The following ZNF827 variants were observed in gnomAD, a reference collection of about 807,000 sequenced individuals.
ZNF827 encodes zinc finger protein 827.
ZNF827 carries 13 observed loss-of-function variants against 102.4 expected under a neutral mutation model. That is an observed-to-expected ratio of 0.13 (90% confidence interval 0.08 to 0.20). ZNF827 has a LOEUF of 0.20. ZNF827 is among the 10% of genes least tolerant of loss of function. The pLI is 1.00. For missense variants in ZNF827, 1,103 were observed against 1,344.4 expected (o/e 0.82, Z 2.81); for synonymous variants, 523 against 536.2 (o/e 0.98, Z 0.34).
intron 4 of ZNF827, among the ~76,000 whole-genome samples, chr4:145,877,339 T>C (rs1413248942): frequency 6.6e-6 from 1 of 152,196 alleles, no homozygotes; most frequent in Non-Finnish European, 1.5e-5. Flanking sequence ...TTTTCAGCAC[T>C]ATGATGTGCT....
intron 11 of ZNF827, among the ~76,000 whole-genome samples, chr4:145,767,254 C>A (rs561495602): frequency 7.9e-5 from 12 of 152,168 alleles, no homozygotes; most frequent in Non-Finnish European, 1.6e-4. Context: ...ACTGCAGTGT[C>A]TATTACCAGC....
In ZNF827 at chr4:145,917,700, C is replaced by CAAAAAAAAAA. The variant is rs763617063; in HGVS notation, c.44-14495_44-14486dup. ...AAGGCTCAACTCCAAGGTAGCTGGT[C>CAAAAAAAAAA]AAAAAAAAAAAAAAAAAAAAAAAAA... is the stretch of plus-strand genomic sequence containing the variant. On this transcript the variant is annotated intron_variant, in intron 1 of 14. Coordinates refer to ENST00000508784, the MANE Select transcript of ZNF827 (RefSeq NM_001306215.2). Among the ~76,000 whole-genome samples the CAAAAAAAAAA allele has an allele frequency of 6.8e-4, 32 of 46,834 alleles. 1 individual carries two copies. The highest frequency in any genetic ancestry group is 1.7e-3 in the East Asian group (2 of 1,176). The allele number at this position is 46,834 out of a possible 152,430, so 30.7% of individuals were successfully genotyped here.
At chr4:145,859,933 G>A (rs181272479) in intron 5 of ZNF827, among the ~76,000 whole-genome samples, 1 of 152,292 alleles carries the variant, frequency 6.6e-6, no homozygotes, top group Non-Finnish European at 1.5e-5. Context: ...AGGATAAACA[G>A]GGTGCAAATG....
chr4:145,787,935 A>G (rs1739129692), intron 8 of ZNF827, among the ~76,000 whole-genome samples: 1 of 152,172 alleles, frequency 6.6e-6, no homozygotes, highest in Admixed American at 6.5e-5. Flanking sequence ...CAAACCCAAG[A>G]TCAAGGAGGA....
In ZNF827 at chr4:145,888,599, G is replaced by A. The variant is rs538011937; in HGVS notation, c.1267-2441C>T. Among the ~76,000 whole-genome samples, 3 of 152,316 alleles carry A rather than the reference G, an allele frequency of 2.0e-5. No homozygotes were observed. In the East Asian group the frequency reaches 5.8e-4, roughly 29 times the overall value. On this transcript the variant is annotated intron_variant, in intron 3 of 14. Coordinates refer to ENST00000508784, the MANE Select transcript of ZNF827 (RefSeq NM_001306215.2). ...AACCTCTACTCCATCCCCCACTAGG[G>A]GGACAGGTGAGGGCCTTCATGAGAA...
chr4:145,935,111 C>T (rs558230586), intron 1 of ZNF827, among the ~76,000 whole-genome samples: 1 of 152,124 alleles, frequency 6.6e-6, no homozygotes, highest in Non-Finnish European at 1.5e-5. Context: ...TTTAAATCTG[C>T]CCCTATTTAA....
chr4:145,772,755 A>T (rs1301267971), intron 11 of ZNF827, among the ~76,000 whole-genome samples: 1 of 152,260 alleles, frequency 6.6e-6, no homozygotes, highest in Non-Finnish European at 1.5e-5. Flanking sequence ...TGAATTAAAA[A>T]AGAAACTTCT....
At chr4:145,935,036 C>G (rs761630170) in intron 1 of ZNF827, among the ~76,000 whole-genome samples, 33 of 152,112 alleles carry the variant, frequency 2.2e-4, no homozygotes, top group Admixed American at 9.8e-4. Context: ...AGTTTTGCCC[C>G]TCTCATTCCT....
intron 8 of ZNF827, among the ~76,000 whole-genome samples, chr4:145,814,817 T>G (rs1422957197): frequency 1.3e-5 from 2 of 150,490 alleles, no homozygotes; most frequent in Non-Finnish European, 3.0e-5. Context: ...GGCATGCGCC[T>G]GTAATCCCAG....
chr4:145,783,335 G>C (rs1036180793), intron 8 of ZNF827, among the ~76,000 whole-genome samples: 3 of 152,338 alleles, frequency 2.0e-5, no homozygotes, highest in South Asian at 2.1e-4. Context: ...TAATAATTTA[G>C]TAGCATTCAT....
intron 4 of ZNF827, among the ~76,000 whole-genome samples, chr4:145,880,831 C>T (rs1209821933): frequency 1.3e-5 from 2 of 152,172 alleles, no homozygotes; most frequent in East Asian, 3.8e-4. Context: ...CATGCCCAGG[C>T]GTGGGGAGTG....
At chr4:145,866,914 C>CAGCT (rs1748260066) in intron 5 of ZNF827, among the ~76,000 whole-genome samples, 1 of 152,222 alleles carries the variant, frequency 6.6e-6, no homozygotes, top group Non-Finnish European at 1.5e-5. Flanking sequence ...CATGATAACA[C>CAGCT]AGCTATCCCA....
intron 13 of ZNF827, among the ~76,000 whole-genome samples, chr4:145,764,065 G>A (rs562315688): frequency 1.6e-4 from 25 of 152,270 alleles, no homozygotes; most frequent in African/African-American, 5.1e-4. Context: ...CAGGTTGTGC[G>A]TTTCAATGAC....
At chr4:145,795,689 C>T (rs1295305095) in intron 8 of ZNF827, among the ~76,000 whole-genome samples, 1 of 152,168 alleles carries the variant, frequency 6.6e-6, no homozygotes, top group Non-Finnish European at 1.5e-5. Context: ...TTGAGCCGAT[C>T]GTTTTGCCCT....
chr4:145,885,792 C>A lies in ZNF827; in HGVS notation c.1633G>T (p.Ala545Ser), dbSNP rs368474421. 2 of 1,611,660 alleles carry A rather than the reference C, an allele frequency of 1.2e-6. No individual in the cohort carries two copies. The highest frequency in any genetic ancestry group is 1.6e-4 in the Middle Eastern group (1 of 6,070). ...SFTLNAADRP[A>S]NHTKLKDPSE... ...GGGTCTTTCAGCTTTGTGTGGTTGG[C>A]GGGCCTGTCGGCAGCATTCAAAGTA... is the stretch of plus-strand genomic sequence containing the variant. Residue 545 changes from alanine (A) to serine (S), a missense_variant, in exon 4 of 15, where the codon GCC (alanine) becomes TCC (serine). Physicochemically the swap from Ala to Ser is moderately conservative, Grantham distance 99 (BLOSUM62 1). Around this residue, in one of 5 missense-constraint regions of ZNF827, gnomAD observed 157 missense variants for 211.7 expected, o/e 0.74. Transcript: ENST00000508784.
intron 5 of ZNF827, among the ~76,000 whole-genome samples, chr4:145,866,897 T>A (rs565289681): frequency 6.6e-6 from 1 of 152,322 alleles, no homozygotes; most frequent in East Asian, 1.9e-4. Flanking sequence ...CAGCATTACA[T>A]CATATCCATG....
At chr4:145,910,557 A>C (rs1752210296) in intron 1 of ZNF827, among the ~76,000 whole-genome samples, 1 of 152,098 alleles carries the variant, frequency 6.6e-6, no homozygotes, top group Non-Finnish European at 1.5e-5. Flanking sequence ...CACTACTACT[A>C]ACCTGGTACC....
intron 7 of ZNF827, among the ~76,000 whole-genome samples, chr4:145,828,784 G>A (rs529095594): frequency 1.8e-4 from 27 of 152,320 alleles, no homozygotes; most frequent in Admixed American, 9.8e-4. Context: ...GGCATGGGAT[G>A]TGGGGTCAGC....
chr4:145,864,649 A>C (rs1399031443), intron 5 of ZNF827, among the ~76,000 whole-genome samples: 1 of 152,096 alleles, frequency 6.6e-6, no homozygotes, highest in Admixed American at 6.5e-5. Flanking sequence ...TACTGGATTC[A>C]ATAAATTTCT....
Sources: gnomAD v4.1 joint callset for allele counts (sites outside exome capture counted in the v4.1 genomes callset) on GRCh38, gnomAD v4.1.1 for gene constraint, gnomAD v4.1.1 regional missense constraint, MANE v1.5 for transcripts, NCBI Gene and HGNC (gene_info 2026-07-23, HGNC 2026-07-21) for gene names.